RBFOX1: variants seen among roughly 807,000 people sequenced by gnomAD.
RBFOX1 encodes the protein RNA binding fox-1 homolog 1, also known as RNA binding protein fox-1 homolog 1.
A neutral mutation model predicts 57.7 loss-of-function variants in RBFOX1; 8 were observed. The ratio of observed to expected loss-of-function variants is 0.14; its 90% confidence interval spans 0.08 to 0.25. The LOEUF is 0.25. Among genes scored for constraint, RBFOX1 ranks in the 10% least tolerant of loss-of-function variants. The pLI is 1.00. For missense variants in RBFOX1, 611 were observed against 548.5 expected, an observed-to-expected ratio of 1.11 and a Z score of -1.14; for synonymous variants, 326 against 222.4, an observed-to-expected ratio of 1.47 and a Z score of -4.15.
chr16:6,466,966 A>G (rs2095063276), intron 2 of RBFOX1, among the ~76,000 whole-genome samples: 3 of 151,826 alleles, frequency 2.0e-5, no homozygotes, highest in Non-Finnish European at 4.4e-5. Context: ...AATAATTTGT[A>G]TTAATTACAC....
intron 4 of RBFOX1, among the ~76,000 whole-genome samples, chr16:7,463,461 G>A (rs145151892): frequency 1.6e-4 from 25 of 152,266 alleles, no homozygotes; most frequent in Middle Eastern, 3.4e-3. Context: ...CCAAGATTGC[G>A]TCACTGCGTT....
intron 2 of RBFOX1, among the ~76,000 whole-genome samples, chr16:6,556,242 C>T (rs958727252): frequency 3.9e-5 from 6 of 152,162 alleles, no homozygotes; most frequent in African/African-American, 1.2e-4. Context: ...CTACTTATCA[C>T]GGATCCTGCA....
At chr16:6,386,639 A>C (rs562257903) in intron 2 of RBFOX1, among the ~76,000 whole-genome samples, 1 of 152,342 alleles carries the variant, frequency 6.6e-6, no homozygotes, top group African/African-American at 2.4e-5. Context: ...CGTCCCAAAG[A>C]GAGAAAAGAA....
intron 3 of RBFOX1, among the ~76,000 whole-genome samples, chr16:7,040,897 G>T (rs751734526): frequency 1.6e-4 from 23 of 146,314 alleles, no homozygotes; most frequent in South Asian, 6.5e-4. Flanking sequence ...TTTTTTTTTT[G>T]TTTTGTTTTT....
At chr16:6,143,936 C>G (rs1027442678) in intron 1 of RBFOX1, among the ~76,000 whole-genome samples, 1 of 148,492 alleles carries the variant, frequency 6.7e-6, no homozygotes, top group African/African-American at 2.6e-5. Flanking sequence ...GCTGGGACTG[C>G]AGGTGTGCAA....
chr16:5,394,312 G>A (rs59929632), intron 1 of RBFOX1, among the ~76,000 whole-genome samples: 1 of 152,120 alleles, frequency 6.6e-6, no homozygotes, highest in Non-Finnish European at 1.5e-5. Flanking sequence ...ATGAGACATT[G>A]CGCCCAGCCA....
At chr16:6,506,483 A>G (rs1341592687) in intron 2 of RBFOX1, among the ~76,000 whole-genome samples, 2 of 152,112 alleles carry the variant, frequency 1.3e-5, no homozygotes, top group Non-Finnish European at 2.9e-5. Flanking sequence ...GAATGAACCA[A>G]GACTCTATTA....
intron 1 of RBFOX1, among the ~76,000 whole-genome samples, chr16:5,394,387 C>CT (rs1039377037): frequency 6.6e-6 from 1 of 152,100 alleles, no homozygotes; most frequent in African/African-American, 2.4e-5. Context: ...TATTCCCTGC[C>CT]TTTTTTTGAT....
At position 5,498,918 on chromosome 16, in the gene RBFOX1, G is replaced by A. The variant is rs186705179; in HGVS notation, c.258+31664G>A. On this transcript the variant is annotated intron_variant, in intron 2 of 2. Coordinates refer to the RBFOX1 transcript ENST00000585867. Reference sequence around the variant, plus strand: ...GGTCTGCAGGTCCATCCTTCTCAGAGGTACTAAGTCAGGCTCTCACTGTTG... The same window carrying A: ...GGTCTGCAGGTCCATCCTTCTCAGAAGTACTAAGTCAGGCTCTCACTGTTG... Among the ~76,000 whole-genome samples, 64 of 152,302 alleles carry A rather than the reference G, an allele frequency of 4.2e-4. No individual in the cohort carries two copies. The East Asian group carries it at 6.6e-3, about 16-fold the overall frequency.
At position 7,054,036 on chromosome 16, in the gene RBFOX1, A is replaced by T. The variant is rs747626007; in HGVS notation, c.27+1938A>T. Among the ~76,000 whole-genome samples the T allele has an allele frequency of 2.2e-4, 34 of 151,716 alleles. 1 individual carries two copies. The highest frequency in any genetic ancestry group is 2.2e-4 in the Non-Finnish European group (15 of 67,964). On this transcript the variant is annotated intron_variant, in intron 4 of 15. Transcript: ENST00000550418. ...TGGGAGACCCCTAGTGTGATTAAGTACTGGTAGCTATCTCATCTGTAGATA... is the reference window on the plus strand; with the variant it reads ...TGGGAGACCCCTAGTGTGATTAAGTTCTGGTAGCTATCTCATCTGTAGATA...
chr16:6,691,150 C>A (rs1308036740), intron 3 of RBFOX1, among the ~76,000 whole-genome samples: 1 of 152,134 alleles, frequency 6.6e-6, no homozygotes, highest in Non-Finnish European at 1.5e-5. Context: ...AATCTCCCAA[C>A]CATGTCTTTT....
At chr16:6,797,442 C>A (rs1412302144) in intron 3 of RBFOX1, among the ~76,000 whole-genome samples, 3 of 152,098 alleles carry the variant, frequency 2.0e-5, no homozygotes, top group African/African-American at 2.4e-5. Flanking sequence ...TGCGCAATAA[C>A]ATGAAGATAA....
At chr16:5,515,193 C>T (rs1337778068) in intron 2 of RBFOX1, among the ~76,000 whole-genome samples, 24 of 152,214 alleles carry the variant, frequency 1.6e-4, no homozygotes, top group African/African-American at 9.6e-5. Flanking sequence ...CATGTTATTT[C>T]GAGAGGACAA....
At chr16:7,597,798 T>C (rs1260125673) in intron 9 of RBFOX1, among the ~76,000 whole-genome samples, 1 of 152,258 alleles carries the variant, frequency 6.6e-6, no homozygotes, top group East Asian at 1.9e-4. Flanking sequence ...TGATTACTAA[T>C]CATTCCTGGA....
At chr16:7,127,692 T>G (rs2068968746) in intron 4 of RBFOX1, among the ~76,000 whole-genome samples, 1 of 152,128 alleles carries the variant, frequency 6.6e-6, no homozygotes, top group African/African-American at 2.4e-5. Flanking sequence ...AATGAATGAG[T>G]TTCTTTCAGA....
chr16:5,615,814 C>T lies in RBFOX1; in HGVS notation c.318+16853C>T, dbSNP rs1334959871. Among the ~76,000 whole-genome samples the T allele has an allele frequency of 2.0e-5, 3 of 152,196 alleles. No homozygotes were observed. The East Asian group carries it at 5.8e-4, about 29-fold the overall frequency. On this transcript the variant is annotated intron_variant, in intron 3 of 19. Transcript: ENST00000641259. ...GTTTCTGCCCCATGATGGGAGCCCA[C>T]CAGTGTTAGCAATGGGGTCTTCAAT...
chr16:6,635,698 A>G (rs1003309329), intron 2 of RBFOX1, among the ~76,000 whole-genome samples: 1 of 152,158 alleles, frequency 6.6e-6, no homozygotes, highest in African/African-American at 2.4e-5. Context: ...TGTGAATTCA[A>G]AATTATTTTT....
intron 3 of RBFOX1, among the ~76,000 whole-genome samples, chr16:6,892,683 A>AT (rs147067368): frequency 6.6e-6 from 1 of 150,376 alleles, no homozygotes. Context: ...AAACAAACAA[A>AT]AAAGCCTGAG....
intron 4 of RBFOX1, among the ~76,000 whole-genome samples, chr16:7,331,881 C>G (rs1461935292): frequency 6.6e-6 from 1 of 152,046 alleles, no homozygotes; most frequent in Non-Finnish European, 1.5e-5. Flanking sequence ...TAACATATCC[C>G]AAATGATTGC....
Sources: gnomAD v4.1 joint callset for allele counts (sites outside exome capture counted in the v4.1 genomes callset) on GRCh38, gnomAD v4.1.1 for gene constraint, MANE v1.5 for transcripts, NCBI Gene and HGNC (gene_info 2026-07-23, HGNC 2026-07-21) for gene names.